ITPR2: variants seen among roughly 807,000 people sequenced by gnomAD.
ITPR2 encodes inositol 1,4,5-trisphosphate receptor type 2, also known as inositol 1,4,5-trisphosphate-gated calcium channel ITPR2.
A neutral mutation model predicts 317.1 loss-of-function variants in ITPR2; 207 were observed. The observed-to-expected ratio is 0.65, with a 90% CI of 0.58 to 0.73. The LOEUF (loss-of-function observed/expected upper bound fraction) is 0.73. Ranked by LOEUF, ITPR2 falls within the 30% of genes least tolerant of loss-of-function variation. The probability of loss-of-function intolerance (pLI) is 0.00; values close to 1 mark genes in which losing one functional copy is unlikely to be tolerated. For missense variants in ITPR2, 2,613 were observed against 3,284.0 expected (o/e 0.80, Z 4.99); for synonymous variants, 1,156 against 1,149.1 (o/e 1.01, Z -0.12).
chr12:26,678,091 A>G (rs1004810621), intron 13 of ITPR2, among the ~76,000 whole-genome samples: 1 of 152,186 alleles, frequency 6.6e-6, no homozygotes, highest in Non-Finnish European at 1.5e-5. Context: ...TACTGAATTA[A>G]TCACATCTCT....
intron 45 of ITPR2, among the ~76,000 whole-genome samples, chr12:26,460,737 G>A (rs1022715735): frequency 3.9e-5 from 6 of 152,090 alleles, no homozygotes; most frequent in South Asian, 2.1e-4. Context: ...TCGGGGTCCC[G>A]GAATTTGATG....
chr12:26,372,783 G>A (rs1414366044), intron 55 of ITPR2, among the ~76,000 whole-genome samples: 1 of 152,076 alleles, frequency 6.6e-6, no homozygotes, highest in African/African-American at 2.4e-5. Flanking sequence ...TTTCAAACTG[G>A]GTTTAGTGCT....
At chr12:26,787,851 A>G (rs1392471171) in intron 2 of ITPR2, among the ~76,000 whole-genome samples, 1 of 152,184 alleles carries the variant, frequency 6.6e-6, no homozygotes, top group African/African-American at 2.4e-5. Context: ...TTGAAGAGGC[A>G]ATGATGTAAG....
In ITPR2 at chr12:26,341,053, C is replaced by A. The variant is rs143478386; in HGVS notation, c.7858-725G>T. Among the ~76,000 whole-genome samples, 284 of 152,306 alleles carry A rather than the reference C, an allele frequency of 1.9e-3. 2 individuals carry two copies. Among genetic ancestry groups the A allele is most frequent in the African/African-American group, 6.7e-3 (280 of 41,558 alleles). ...ACTGACAGATGCTTTCTTCAAGACT[C>A]TGCTCGATTGTCTAACATCATAGAA... On this transcript the variant is annotated intron_variant, in intron 55 of 56. Transcript: ENST00000381340.
At chr12:26,415,519 CTAA>C in intron 50 of ITPR2, 21 bp from the exon 51 acceptor site, 1 of 1,443,796 alleles carries the variant, frequency 6.9e-7, no homozygotes, top group Non-Finnish European at 9.2e-7. Flanking sequence ...AAAGAAAACA[CTAA>C]TAAGAAAAGA....
At position 26,418,122 on chromosome 12, in the gene ITPR2, G is replaced by A. The variant is rs536001440; in HGVS notation, c.7110+927C>T. 2.6e-5 allele frequency among the ~76,000 whole-genome samples: 4 copies of A among 152,270 alleles called. No homozygotes were observed. The East Asian group carries it at 7.7e-4, about 29-fold the overall frequency. On this transcript the variant is annotated intron_variant, in intron 50 of 56. Coordinates refer to ENST00000381340, the MANE Select transcript of ITPR2 (RefSeq NM_002223.4). ...CTGTGGCTCTTTCAAATGTTTGAGG[G>A]TATATGGAAAATTGGCCTCATTTCA...
intron 36 of ITPR2, among the ~76,000 whole-genome samples, chr12:26,550,851 G>T (rs1944507977): frequency 6.6e-6 from 1 of 151,950 alleles, no homozygotes; most frequent in Non-Finnish European, 1.5e-5. Flanking sequence ...TCACTGCCAG[G>T]GTTTGGTAGG....
At chr12:26,632,427 G>A (rs1565653729) in intron 21 of ITPR2, among the ~76,000 whole-genome samples, 2 of 152,046 alleles carry the variant, frequency 1.3e-5, no homozygotes, top group Non-Finnish European at 2.9e-5. Flanking sequence ...ATTACTAATC[G>A]CCAAGATAAA....
At chr12:26,541,146 T>TTAA (rs755076449) in intron 37 of ITPR2, among the ~76,000 whole-genome samples, 1 of 110,136 alleles carries the variant, frequency 9.1e-6, no homozygotes, top group South Asian at 3.3e-4. Flanking sequence ...CATCTCTGCT[T>TTAA]AAAAAAAAAA....
chr12:26,733,413 TTG>T (rs1949059802), intron 2 of ITPR2, among the ~76,000 whole-genome samples: 1 of 151,978 alleles, frequency 6.6e-6, no homozygotes, highest in African/African-American at 2.4e-5. Flanking sequence ...TACCACAGTC[TTG>T]CAACACAACA....
At chr12:26,697,037 T>C (rs1305021849) in intron 9 of ITPR2, among the ~76,000 whole-genome samples, 1 of 152,124 alleles carries the variant, frequency 6.6e-6, no homozygotes, top group Non-Finnish European at 1.5e-5. Flanking sequence ...TGACATTGCA[T>C]GATGATGCAG....
chr12:26,574,036 T>C (rs1945221727), intron 34 of ITPR2, among the ~76,000 whole-genome samples: 1 of 152,154 alleles, frequency 6.6e-6, no homozygotes, highest in African/African-American at 2.4e-5. Context: ...ATTCTGGAAA[T>C]GGGTCTGACA....
intron 55 of ITPR2, among the ~76,000 whole-genome samples, chr12:26,370,556 A>G (rs575200319): frequency 6.6e-6 from 1 of 152,168 alleles, no homozygotes; most frequent in Non-Finnish European, 1.5e-5. Context: ...CTTTTGGGTT[A>G]TTTTCCCCCA....
chr12:26,473,351 G>A (rs1482533948), intron 45 of ITPR2, among the ~76,000 whole-genome samples: 1 of 152,018 alleles, frequency 6.6e-6, no homozygotes, highest in African/African-American at 2.4e-5. Context: ...TTGTCTGCTG[G>A]CCAATCTGTC....
At chr12:26,509,958 T>TTGTGTGTG (rs56063133) in intron 37 of ITPR2, among the ~76,000 whole-genome samples, 979 of 53,218 alleles carry the variant, frequency 0.018, 37 homozygotes, top group South Asian at 0.033. Flanking sequence ...GATAAGGGTT[T>TTGTGTGTG]TGTGTGTGTG....
intron 24 of ITPR2, among the ~76,000 whole-genome samples, chr12:26,623,122 T>C (rs560404808): frequency 5.3e-5 from 8 of 152,334 alleles, no homozygotes; most frequent in Admixed American, 2.6e-4. Context: ...ATAAGATGCT[T>C]AGTGTAGTCG....
intron 45 of ITPR2, among the ~76,000 whole-genome samples, chr12:26,453,653 T>C (rs1470783354): frequency 6.6e-6 from 1 of 152,202 alleles, no homozygotes; most frequent in African/African-American, 2.4e-5. Context: ...GGTCTCACTA[T>C]TCCCACACAA....
intron 1 of ITPR2, among the ~76,000 whole-genome samples, chr12:26,825,292 A>G (rs1434122968): frequency 6.6e-6 from 1 of 152,178 alleles, no homozygotes; most frequent in African/African-American, 2.4e-5. Context: ...TTAAAATTTC[A>G]TGTCTGGTTA....
At chr12:26,507,861 CTCTGTGTGTGTGTGTGTG>C (rs1943230151) in intron 37 of ITPR2, among the ~76,000 whole-genome samples, 1 of 120,876 alleles carries the variant, frequency 8.3e-6, no homozygotes, top group Non-Finnish European at 1.7e-5. Context: ...CTCTCTCTGT[CTCTGTGTGTGTGTGTGTG>C]TGTGTGTGTG....
Sources: gnomAD v4.1 joint callset for allele counts (sites outside exome capture counted in the v4.1 genomes callset) on GRCh38, gnomAD v4.1.1 for gene constraint, MANE v1.5 for transcripts, NCBI Gene and HGNC (gene_info 2026-07-23, HGNC 2026-07-21) for gene names.